Variants in USP34 observed in about 807,000 individuals in gnomAD.
USP34 encodes ubiquitin carboxyl-terminal hydrolase 34.
USP34 carries 70 observed loss-of-function variants against 460.3 expected under a neutral mutation model. The ratio of observed to expected loss-of-function variants is 0.15; its 90% CI spans 0.13 to 0.19. The LOEUF (loss-of-function observed/expected upper bound fraction) is 0.19. Ranked by LOEUF, USP34 falls within the 10% of genes least tolerant of loss-of-function variation. The pLI, the probability that USP34 is intolerant of heterozygous loss-of-function variation, is 1.00. For missense variants in USP34, 3,985 were observed against 4,236.2 expected (o/e 0.94, Z 1.65); for synonymous variants, 1,647 against 1,405.3 (o/e 1.17, Z -3.85).
At position 61,445,575 on chromosome 2, in the gene USP34, G is replaced by A. The variant is rs577005709; in HGVS notation, c.44-24742C>T. Among the ~76,000 whole-genome samples, 14 of 150,936 alleles carry A rather than the reference G, an allele frequency of 9.3e-5. No homozygotes were observed. In the South Asian group the frequency reaches 1.7e-3, roughly 18 times the overall value. The stretch of plus-strand genomic sequence containing the variant: ...AAATTGCTAAGAGAAAAATGATCCC[G>A]GATGAAAGCCAAGAGACACAAAAAA... On this transcript the variant is annotated intron_variant, in intron 1 of 79. Transcript: ENST00000398571.
chr2:61,467,103 G>C (rs1346093135), intron 1 of USP34, among the ~76,000 whole-genome samples: 1 of 151,828 alleles, frequency 6.6e-6, no homozygotes, highest in Non-Finnish European at 1.5e-5. Context: ...AAGGAGTTCA[G>C]ACCAGCCTGG....
At chr2:61,252,769 A>G (rs916930250) in intron 48 of USP34, among the ~76,000 whole-genome samples, 1 of 152,234 alleles carries the variant, frequency 6.6e-6, no homozygotes, top group Non-Finnish European at 1.5e-5. Flanking sequence ...ATTCTGAAGA[A>G]TAACTAATGA....
At chr2:61,392,451 C>T (rs572430844) in intron 5 of USP34, among the ~76,000 whole-genome samples, 1 of 152,016 alleles carries the variant, frequency 6.6e-6, no homozygotes, top group Non-Finnish European at 1.5e-5. Context: ...TGGCGAAACC[C>T]CGGGTCTACT....
intron 18 of USP34, among the ~76,000 whole-genome samples, chr2:61,338,041 G>T (rs936936002): frequency 6.6e-6 from 1 of 152,136 alleles, no homozygotes; most frequent in African/African-American, 2.4e-5. Flanking sequence ...ATATATACCG[G>T]CCAGGCACAG....
chr2:61,327,916 C>G (rs1265811083), intron 20 of USP34, among the ~76,000 whole-genome samples: 1 of 152,216 alleles, frequency 6.6e-6, no homozygotes, highest in Non-Finnish European at 1.5e-5. Context: ...TAACAGATTA[C>G]TGCCTTAAAA....
At chr2:61,376,143 C>T (rs967211958) in intron 8 of USP34, among the ~76,000 whole-genome samples, 20 of 149,170 alleles carry the variant, frequency 1.3e-4, no homozygotes, top group African/African-American at 4.9e-4. Context: ...AGCTGCACAA[C>T]TCTAAGAATT....
At chr2:61,282,132 G>T (rs910901228) in intron 37 of USP34, among the ~76,000 whole-genome samples, 1 of 152,112 alleles carries the variant, frequency 6.6e-6, no homozygotes, top group Non-Finnish European at 1.5e-5. Context: ...TGAGATTACA[G>T]GTGCCTGCCA....
At chr2:61,234,943 T>C (rs1385796039) in intron 57 of USP34, among the ~76,000 whole-genome samples, 5 of 152,074 alleles carry the variant, frequency 3.3e-5, no homozygotes, top group Non-Finnish European at 7.4e-5. Flanking sequence ...GTCCCAAGTT[T>C]CTGTTTTAAA....
intron 30 of USP34, 43 bp from the exon 31 acceptor site, chr2:61,295,333 G>A (rs752306871): frequency 7.9e-6 from 12 of 1,527,714 alleles, no homozygotes; most frequent in Admixed American, 2.3e-5. Flanking sequence ...CTTACTCAGG[G>A]AACACAAAAA....
intron 12 of USP34, among the ~76,000 whole-genome samples, chr2:61,349,895 T>C (rs1164423338): frequency 6.6e-6 from 1 of 151,838 alleles, no homozygotes; most frequent in Non-Finnish European, 1.5e-5. Flanking sequence ...GCACCTGACA[T>C]GGCAGAAAAC....
chr2:61,379,210 A>C (rs962611538), intron 7 of USP34, among the ~76,000 whole-genome samples: 5 of 152,106 alleles, frequency 3.3e-5, no homozygotes, highest in South Asian at 2.1e-4. Flanking sequence ...ACACTACCAA[A>C]ACAAAACAAA....
chr2:61,206,646 A>C, intron 71 of USP34, 114 bp downstream of exon 71: 1 of 1,312,776 alleles, frequency 7.6e-7, no homozygotes, highest in Non-Finnish European at 1.0e-6. Context: ...CTTCAGCCTC[A>C]TCTTCTGTGC....
Position 61,192,978 on chromosome 2 carries a change from C to T in USP34, c.9511G>A (p.Val3171Ile), listed in dbSNP as rs751475697. 3 of 1,612,642 alleles carry T rather than the reference C, an allele frequency of 1.9e-6. No homozygotes were observed. The East Asian group carries it at 6.7e-5, about 36-fold the overall frequency. ...GGCAAACCTTCATAGGCAACTAGGA[C>T]ACCTAATATTTGAAAAGAAATCAGA... Reference protein sequence around the residue: ...KFTETLVKLSVLVAYEGLPLH... With the variant: ...KFTETLVKLSILVAYEGLPLH... Residue 3171 changes from valine to isoleucine, a missense_variant and splice_region_variant, in exon 76 of 80, where the codon GTC (valine) becomes ATC (isoleucine). Physicochemically the swap from Val to Ile is conservative, Grantham distance 29. This residue lies in a region of USP34 where 506 missense variants were observed against 439.0 expected (regional missense o/e 1.15). Transcript: ENST00000398571.
In USP34 at chr2:61,348,191, A is replaced by T. The variant is rs374562864; in HGVS notation, c.1964T>A (p.Leu655Gln). 6.2e-7 allele frequency: 1 copy of T among 1,614,214 alleles called. No homozygotes were observed. Among genetic ancestry groups the T allele is most frequent in the South Asian group, 1.1e-5 (1 of 91,078 alleles). Reference protein sequence around the residue: ...RKLESQAGICLGDSQGMSERN... With the variant: ...RKLESQAGICQGDSQGMSERN... ...TTCTGACATGCCTTGGGAGTCCCCC[A>T]GGCAAATGCCTGCTTGACTCTCTAA... Residue 655 changes from leucine (L) to glutamine (Q), a missense_variant, in exon 15 of 80, where the codon CTG (leucine) becomes CAG (glutamine). Leu to Gln is a moderately radical substitution (Grantham distance 113, BLOSUM62 -2). This residue lies in a region of USP34 where 716 missense variants were observed against 626.2 expected (regional missense o/e 1.14). Coordinates refer to ENST00000398571, the MANE Select transcript of USP34 (RefSeq NM_014709.4).
Position 61,395,176 on chromosome 2 carries a change from C to G in USP34, c.603+7G>C. On this transcript the variant is annotated splice_region_variant and intron_variant, in intron 4 of 79. Coordinates refer to ENST00000398571, the MANE Select transcript of USP34 (RefSeq NM_014709.4). ...TCCATAAAAGAATAAAAAAGGTAAA[C>G]ACTTACATTCATATCACAGAATGCC... The G allele has an allele frequency of 6.7e-7, 1 of 1,490,338 alleles. No homozygotes were observed. The highest frequency in any genetic ancestry group is 9.2e-7 in the Non-Finnish European group (1 of 1,092,572). 92.3% of individuals were successfully genotyped at this position (1,490,338 alleles called of 1,614,324 possible). A position where few individuals can be genotyped will look rare whatever the true frequency, so the allele number is the denominator to read the frequency against.
At chr2:61,322,737 T>C (rs890573046) in intron 21 of USP34, among the ~76,000 whole-genome samples, 1 of 152,344 alleles carries the variant, frequency 6.6e-6, no homozygotes, top group South Asian at 2.1e-4. Flanking sequence ...AGTTTCTCAC[T>C]GAAACAGTTA....
chr2:61,268,811 C>G (rs1689130456), intron 41 of USP34, among the ~76,000 whole-genome samples: 2 of 152,040 alleles, frequency 1.3e-5, no homozygotes, highest in South Asian at 4.1e-4. Context: ...TTAATATTCA[C>G]CTACAACTAT....
In USP34 at chr2:61,245,379, G is replaced by A. The variant is rs191327708; in HGVS notation, c.6549-91C>T. 85 of 668,564 alleles carry A rather than the reference G, an allele frequency of 1.3e-4. No individual in the cohort carries two copies. The African/African-American group carries it at 1.3e-3, about 10-fold the overall frequency. 41.4% of individuals were successfully genotyped at this position (668,564 alleles called of 1,614,324 possible). On this transcript the variant is annotated intron_variant, in intron 50 of 79. Transcript: ENST00000398571. ...ATTTTTTGAATAACCAATGTTACAA[G>A]TGTCAAATTATTTCATGAGGTAAAT...
At chr2:61,445,947 CAA>C (rs796603713) in intron 1 of USP34, among the ~76,000 whole-genome samples, 7 of 135,728 alleles carry the variant, frequency 5.2e-5, no homozygotes, top group Non-Finnish European at 4.8e-5. Context: ...GACTCTGTTT[CAA>C]AAAAAAAAAA....
Sources: gnomAD v4.1 joint callset for allele counts (sites outside exome capture counted in the v4.1 genomes callset) on GRCh38, gnomAD v4.1.1 for gene constraint, gnomAD v4.1.1 regional missense constraint, MANE v1.5 for transcripts, NCBI Gene and HGNC (gene_info 2026-07-23, HGNC 2026-07-21) for gene names.